Variants in DLGAP1 observed in about 807,000 individuals in gnomAD.
DLGAP1 encodes disks large-associated protein 1.
DLGAP1 carries 11 observed loss-of-function variants against 90.8 expected under a neutral mutation model. That is an observed-to-expected ratio of 0.12 (90% CI 0.08 to 0.20). The LOEUF (loss-of-function observed/expected upper bound fraction) is 0.20, where lower values mean the gene tolerates loss of function less well. Ranked by LOEUF, DLGAP1 falls within the 10% of genes least tolerant of loss-of-function variation. The probability of loss-of-function intolerance (pLI) is 1.00; values close to 1 mark genes in which losing one functional copy is unlikely to be tolerated. For missense variants in DLGAP1, 1,050 were observed against 1,333.8 expected, an observed-to-expected ratio of 0.79 and a Z score of 3.31; for synonymous variants, 558 against 540.7, an observed-to-expected ratio of 1.03 and a Z score of -0.44.
At chr18:4,296,402 G>C (rs917850784) in intron 1 of DLGAP1, among the ~76,000 whole-genome samples, 12 of 152,114 alleles carry the variant, frequency 7.9e-5, no homozygotes, top group Non-Finnish European at 1.8e-4. Flanking sequence ...GGTTAAAGGA[G>C]GGCCACTCTC....
intron 5 of DLGAP1, among the ~76,000 whole-genome samples, chr18:3,791,691 C>G (rs1377792004): frequency 6.6e-6 from 1 of 152,074 alleles, no homozygotes; most frequent in African/African-American, 2.4e-5. Flanking sequence ...ATGTATTTTC[C>G]TAGAGAGTAT....
chr18:4,203,344 G>A lies in DLGAP1; in HGVS notation c.-266-52057C>T, dbSNP rs187558099. Reference sequence around the variant, plus strand: ...ATATAGTATAAAATACTCTCTAGTTGCAAGAATGCATCCTTGAAATATTCA... The same window carrying A: ...ATATAGTATAAAATACTCTCTAGTTACAAGAATGCATCCTTGAAATATTCA... On this transcript the variant is annotated intron_variant, in intron 1 of 12. Transcript: ENST00000315677. Among the ~76,000 whole-genome samples, 6 of 151,486 alleles carry A rather than the reference G, an allele frequency of 4.0e-5. No homozygotes were observed. The South Asian group carries it at 1.3e-3, about 32-fold the overall frequency.
intron 7 of DLGAP1, among the ~76,000 whole-genome samples, chr18:3,666,475 A>T (rs147380719): frequency 6.6e-6 from 1 of 152,292 alleles, no homozygotes; most frequent in Non-Finnish European, 1.5e-5. Context: ...GTGTGCTGTC[A>T]TTACGCCGCA....
intron 1 of DLGAP1, among the ~76,000 whole-genome samples, chr18:4,335,434 A>T (rs898476453): frequency 3.3e-5 from 5 of 151,982 alleles, no homozygotes; most frequent in Non-Finnish European, 7.3e-5. Context: ...TGGTGAATAC[A>T]TAATTTAATA....
At chr18:3,601,718 C>G (rs920285954) in intron 7 of DLGAP1, among the ~76,000 whole-genome samples, 1 of 151,730 alleles carries the variant, frequency 6.6e-6, no homozygotes. Context: ...GGTGGCCTGC[C>G]CCAGTAATCC....
chr18:3,634,861 G>C (rs573007566), intron 7 of DLGAP1, among the ~76,000 whole-genome samples: 1 of 152,228 alleles, frequency 6.6e-6, no homozygotes, highest in South Asian at 2.1e-4. Context: ...TTTCCTACTT[G>C]ATATTTCAAC....
At chr18:3,919,244 G>A (rs938465217) in intron 3 of DLGAP1, among the ~76,000 whole-genome samples, 1 of 152,138 alleles carries the variant, frequency 6.6e-6, no homozygotes, top group Non-Finnish European at 1.5e-5. Context: ...TTGTTTGAAG[G>A]TACCTATGGG....
chr18:4,373,136 T>A (rs998812663), intron 1 of DLGAP1, among the ~76,000 whole-genome samples: 1 of 151,988 alleles, frequency 6.6e-6, no homozygotes, highest in African/African-American at 2.4e-5. Context: ...GTACATTTCA[T>A]CAAGAGAAAG....
intron 7 of DLGAP1, among the ~76,000 whole-genome samples, chr18:3,600,881 G>GATATATATAGATATATAGATATAT (rs2056931862): frequency 1.0e-4 from 1 of 9,928 alleles, no homozygotes; most frequent in Non-Finnish European, 3.4e-4. Context: ...TAGATATATA[G>GATATATATAGATATATAGATATAT]ATAGATATAT....
In DLGAP1 at chr18:4,243,708, T is replaced by C. The variant is rs951581427; in HGVS notation, c.-266-92421A>G. Among the ~76,000 whole-genome samples, 9 of 152,236 alleles carry C rather than the reference T, an allele frequency of 5.9e-5. 1 individual carries two copies. Among genetic ancestry groups the C allele is most frequent in the African/African-American group, 2.2e-4 (9 of 41,466 alleles). The stretch of plus-strand genomic sequence containing the variant: ...ACTTCAGTGATAAATATTATCATTT[T>C]GGGATATCTCCTTGGCATCAGAAAT... On this transcript the variant is annotated intron_variant, in intron 1 of 12. Transcript: ENST00000315677.
At chr18:3,741,197 C>CAT (rs2062986192) in intron 6 of DLGAP1, among the ~76,000 whole-genome samples, 1 of 109,942 alleles carries the variant, frequency 9.1e-6, no homozygotes, top group African/African-American at 3.7e-5. Context: ...ACCACCACCA[C>CAT]CAAATCACCA....
At chr18:3,848,329 A>G (rs2069142737) in intron 4 of DLGAP1, among the ~76,000 whole-genome samples, 1 of 152,004 alleles carries the variant, frequency 6.6e-6, no homozygotes, top group Non-Finnish European at 1.5e-5. Flanking sequence ...GACAAATATC[A>G]AACTCTCACA....
At chr18:3,759,125 G>T (rs1008389820) in intron 5 of DLGAP1, among the ~76,000 whole-genome samples, 1 of 152,078 alleles carries the variant, frequency 6.6e-6, no homozygotes, top group Admixed American at 6.6e-5. Context: ...CATTGCTATT[G>T]TGAAGAGCTG....
chr18:4,201,815 C>A (rs1425345251), intron 1 of DLGAP1, among the ~76,000 whole-genome samples: 3 of 152,110 alleles, frequency 2.0e-5, no homozygotes, highest in Middle Eastern at 3.4e-3. Context: ...ATTAAAAAGT[C>A]AAAAACCAAT....
At chr18:3,643,617 C>G (rs1052704393) in intron 7 of DLGAP1, among the ~76,000 whole-genome samples, 21 of 139,418 alleles carry the variant, frequency 1.5e-4, no homozygotes, top group African/African-American at 5.4e-4. Flanking sequence ...GAGCTGAGAT[C>G]GCGCCACTGC....
At position 3,496,545 on chromosome 18, in the gene DLGAP1, T is replaced by C. The variant is rs981243203; in HGVS notation, c.*2640A>G. 2 of 149,854 alleles carry C rather than the reference T, an allele frequency of 1.3e-5. No homozygotes were observed. The highest frequency in any genetic ancestry group is 2.9e-5 in the Non-Finnish European group (2 of 68,008). 9.3% of individuals were successfully genotyped at this position (149,854 alleles called of 1,614,324 possible). ...AATAAATACTTAATTTCTTTGAACG[T>C]TTTTTGATGTGGGAGACAAACTTCT... On this transcript the variant is annotated 3_prime_UTR_variant, in exon 13 of 13. Transcript: ENST00000315677.
intron 1 of DLGAP1, among the ~76,000 whole-genome samples, chr18:4,407,540 G>A (rs183587017): frequency 1.3e-5 from 2 of 152,302 alleles, no homozygotes; most frequent in Non-Finnish European, 1.5e-5. Context: ...CTCCCTAGGA[G>A]CTTTCTGGGT....
intron 2 of DLGAP1, among the ~76,000 whole-genome samples, chr18:4,074,118 G>T (rs912909197): frequency 2.0e-5 from 3 of 152,102 alleles, no homozygotes; most frequent in African/African-American, 7.2e-5. Context: ...TATGCATACA[G>T]TAGATGAAAA....
rs916545210 is a variant in DLGAP1, at chr18:3,738,642, T to C, written c.1350+3693A>G. Among the ~76,000 whole-genome samples the C allele has an allele frequency of 8.5e-3, 1,287 of 152,098 alleles. 19 individuals carry two copies. Among genetic ancestry groups the C allele is most frequent in the African/African-American group, 0.03 (1,243 of 41,506 alleles). ...AATTAATTCAAGATGAATTAAAGAC[T>C]TAAACGTTAGACCTAAAACCATAAA... On this transcript the variant is annotated intron_variant, in intron 6 of 12. Transcript: ENST00000315677.
Sources: gnomAD v4.1 joint callset for allele counts (sites outside exome capture counted in the v4.1 genomes callset) on GRCh38, gnomAD v4.1.1 for gene constraint, MANE v1.5 for transcripts, NCBI Gene and HGNC (gene_info 2026-07-23, HGNC 2026-07-21) for gene names.